The following ALK variants were observed in gnomAD, a reference collection of about 807,000 sequenced individuals.
ALK encodes the protein ALK tyrosine kinase receptor.
A neutral mutation model predicts 163.1 loss-of-function variants in ALK; 74 were observed. The ratio of observed to expected loss-of-function variants is 0.45; its 90% CI spans 0.38 to 0.55. ALK has a LOEUF of 0.55. Ranked by LOEUF, ALK falls within the 20% of genes least tolerant of loss-of-function variation. ALK has a pLI of 0.00. For missense variants in ALK, 2,063 were observed against 2,105.3 expected, an observed-to-expected ratio of 0.98 and a Z score of 0.39; for synonymous variants, 960 against 843.2, an observed-to-expected ratio of 1.14 and a Z score of -2.40.
intron 3 of ALK, among the ~76,000 whole-genome samples, chr2:29,601,667 A>G (rs1329398860): frequency 6.6e-6 from 1 of 152,118 alleles, no homozygotes; most frequent in Non-Finnish European, 1.5e-5. Flanking sequence ...CCGTGGGAAG[A>G]GTTCTCTGAA....
At chr2:29,261,074 T>C (rs960608637) in intron 11 of ALK, among the ~76,000 whole-genome samples, 4 of 152,206 alleles carry the variant, frequency 2.6e-5, no homozygotes, top group African/African-American at 9.6e-5. Flanking sequence ...GTGGTACTCC[T>C]GGTCCCCTGC....
At chr2:29,891,516 A>G (rs1238758135) in intron 1 of ALK, among the ~76,000 whole-genome samples, 1 of 152,246 alleles carries the variant, frequency 6.6e-6, no homozygotes, top group Non-Finnish European at 1.5e-5. Flanking sequence ...CATCATGGTC[A>G]TAGACCATAG....
intron 3 of ALK, among the ~76,000 whole-genome samples, chr2:29,547,890 C>T (rs1381300538): frequency 6.6e-6 from 1 of 152,218 alleles, no homozygotes; most frequent in Non-Finnish European, 1.5e-5. Flanking sequence ...GTTCAATGTG[C>T]ATTTCACATT....
chr2:29,251,597 C>T (rs537979454), intron 11 of ALK, among the ~76,000 whole-genome samples: 7 of 152,298 alleles, frequency 4.6e-5, no homozygotes, highest in South Asian at 2.1e-4. Context: ...GCCAACACTG[C>T]GCTAGGGGAG....
chr2:29,905,729 TC>T (rs1357552454), intron 1 of ALK, among the ~76,000 whole-genome samples: 18 of 151,950 alleles, frequency 1.2e-4, no homozygotes, highest in Non-Finnish European at 2.6e-4. Context: ...TTTTGTGCTT[TC>T]CCCCTTGGCT....
At chr2:29,622,308 G>A (rs1027234513) in intron 3 of ALK, among the ~76,000 whole-genome samples, 5 of 152,074 alleles carry the variant, frequency 3.3e-5, no homozygotes, top group Non-Finnish European at 5.9e-5. Context: ...AGGTTTAATT[G>A]GACTTACAGT....
chr2:29,576,159 T>C (rs1268055531), intron 3 of ALK, among the ~76,000 whole-genome samples: 1 of 152,188 alleles, frequency 6.6e-6, no homozygotes, highest in East Asian at 1.9e-4. Flanking sequence ...AGACACATTT[T>C]TGAGACTAAG....
intron 4 of ALK, among the ~76,000 whole-genome samples, chr2:29,511,212 A>T (rs995933246): frequency 6.6e-6 from 1 of 152,142 alleles, no homozygotes; most frequent in Non-Finnish European, 1.5e-5. Flanking sequence ...CCACAACTAC[A>T]TTCCAAATAT....
At position 29,717,004 on chromosome 2, in the gene ALK, A is replaced by C. The variant is rs1173652013; in HGVS notation, c.787+574T>G. 6.9e-3 allele frequency among the ~76,000 whole-genome samples: 995 copies of C among 144,504 alleles called. 27 individuals are homozygous for C. Among genetic ancestry groups the C allele is most frequent in the African/African-American group, 0.025 (965 of 38,814 alleles). The allele number at this position is 144,504 out of a possible 152,430, so 94.8% of individuals were successfully genotyped here. On this transcript the variant is annotated intron_variant, in intron 2 of 28. Transcript: ENST00000389048. Reference sequence around the variant, plus strand: ...CGTGTCTACCAAAAATCCAAAAAAAAAAAAAAAAAAAAAAAAAATTAGCCA... The same window carrying C: ...CGTGTCTACCAAAAATCCAAAAAAACAAAAAAAAAAAAAAAAAATTAGCCA...
intron 5 of ALK, among the ~76,000 whole-genome samples, chr2:29,353,834 C>T (rs1464426476): frequency 6.6e-6 from 1 of 152,172 alleles, no homozygotes; most frequent in Non-Finnish European, 1.5e-5. Flanking sequence ...ATGATTCAAC[C>T]TAATGCATTC....
chr2:29,251,358 A>G, intron 11 of ALK, 91 bp from the exon 12 acceptor site: 1 of 1,327,244 alleles, frequency 7.5e-7, no homozygotes, highest in Non-Finnish European at 1.1e-6. Flanking sequence ...TATCTGCTCC[A>G]TGGCCCCAAA....
At chr2:29,261,334 G>A (rs1373470871) in intron 11 of ALK, among the ~76,000 whole-genome samples, 1 of 151,802 alleles carries the variant, frequency 6.6e-6, no homozygotes, top group Non-Finnish European at 1.5e-5. Flanking sequence ...TTGTTCATGG[G>A]TTTTCAGTTT....
intron 3 of ALK, among the ~76,000 whole-genome samples, chr2:29,604,256 C>T (rs368591709): frequency 2.1e-5 from 3 of 145,088 alleles, no homozygotes; most frequent in African/African-American, 7.6e-5. Context: ...ATTCAAATTT[C>T]GGTGTTCATA....
chr2:29,721,886 C>A (rs1279583686), intron 1 of ALK, among the ~76,000 whole-genome samples: 1 of 152,242 alleles, frequency 6.6e-6, no homozygotes, highest in Non-Finnish European at 1.5e-5. Flanking sequence ...AAAGATTTGT[C>A]TTTGCTCCTG....
intron 8 of ALK, among the ~76,000 whole-genome samples, chr2:29,309,938 G>A (rs997407351): frequency 6.6e-6 from 1 of 152,154 alleles, no homozygotes; most frequent in Non-Finnish European, 1.5e-5. Context: ...CCTGAGTAAC[G>A]TAAGATGAGG....
chr2:29,708,968 C>T (rs1320686315), intron 2 of ALK, among the ~76,000 whole-genome samples: 1 of 152,150 alleles, frequency 6.6e-6, no homozygotes, highest in Non-Finnish European at 1.5e-5. Context: ...AAGTTTTGCA[C>T]CTGAGGTTGC....
intron 4 of ALK, among the ~76,000 whole-genome samples, chr2:29,458,963 C>T (rs1044164445): frequency 3.9e-5 from 6 of 152,100 alleles, no homozygotes; most frequent in African/African-American, 1.4e-4. Flanking sequence ...CATACAGGAC[C>T]ACACTTTTCC....
At chr2:29,322,695 C>G (rs1313545271) in intron 6 of ALK, among the ~76,000 whole-genome samples, 3 of 152,148 alleles carry the variant, frequency 2.0e-5, no homozygotes, top group Non-Finnish European at 4.4e-5. Flanking sequence ...TTAGCCGGGT[C>G]TGGTGGTGGG....
intron 15 of ALK, among the ~76,000 whole-genome samples, chr2:29,231,331 G>A (rs1157706646): frequency 6.6e-6 from 1 of 152,166 alleles, no homozygotes; most frequent in Non-Finnish European, 1.5e-5. Flanking sequence ...GCGAGACTCC[G>A]TCTCAAAAAC....
Sources: allele counts gnomAD v4.1 joint callset (sites outside exome capture counted in the v4.1 genomes callset), GRCh38; gene constraint gnomAD v4.1.1; transcripts MANE v1.5; gene names NCBI Gene and HGNC (gene_info 2026-07-23, HGNC 2026-07-21).